Variants in CAPN11 observed in about 807,000 individuals in gnomAD.
CAPN11 encodes calpain 11.
CAPN11 carries 108 observed loss-of-function variants against 105.3 expected under a neutral mutation model. The ratio of observed to expected loss-of-function variants is 1.03; its 90% CI spans 0.88 to 1.20. The LOEUF is 1.20. Ranked by LOEUF, CAPN11 falls within the 50% of genes most tolerant of loss-of-function variation. The pLI, the probability that CAPN11 is intolerant of heterozygous loss-of-function variation, is 0.00. For missense variants in CAPN11, 883 were observed against 924.8 expected, an observed-to-expected ratio of 0.95 and a Z score of 0.59; for synonymous variants, 329 against 344.5, an observed-to-expected ratio of 0.96 and a Z score of 0.50.
intron 1 of CAPN11, among the ~76,000 whole-genome samples, chr6:44,161,492 G>A (rs1050555547): frequency 5.3e-5 from 8 of 152,206 alleles, no homozygotes; most frequent in South Asian, 2.1e-4. Flanking sequence ...GAGCCACAGT[G>A]CCCAACTTAA....
At chr6:44,172,280 A>AG in intron 4 of CAPN11, 22 bp from the exon 5 acceptor site, 1 of 1,530,916 alleles carries the variant, frequency 6.5e-7, no homozygotes, top group East Asian at 2.5e-5. Context: ...CAGGGGTGGC[A>AG]AAGCCCTGCC....
intron 1 of CAPN11, 29 bp downstream of exon 1, chr6:44,158,893 C>A: frequency 5.8e-6 from 9 of 1,543,344 alleles, no homozygotes; most frequent in Non-Finnish European, 7.0e-6. Flanking sequence ...TTGCCCCACT[C>A]CTGTACCTCC....
At chr6:44,162,998 C>T (rs1324914286) in intron 1 of CAPN11, among the ~76,000 whole-genome samples, 1 of 152,150 alleles carries the variant, frequency 6.6e-6, no homozygotes, top group Non-Finnish European at 1.5e-5. Context: ...TGACACAGAG[C>T]ATGGGCCATG....
chr6:44,170,793 CG>C, intron 4 of CAPN11, among the ~76,000 whole-genome samples: 1 of 152,264 alleles, frequency 6.6e-6, no homozygotes, highest in South Asian at 2.1e-4. Context: ...AGGAGGGCAA[CG>C]GGGTCTACTC....
At chr6:44,171,297 A>G (rs1032832944) in intron 4 of CAPN11, among the ~76,000 whole-genome samples, 9 of 152,184 alleles carry the variant, frequency 5.9e-5, no homozygotes, top group Non-Finnish European at 1.2e-4. Flanking sequence ...CTCATCTCCC[A>G]TAGGATTCCC....
chr6:44,162,796 G>A (rs144410419), intron 1 of CAPN11, among the ~76,000 whole-genome samples: 1 of 152,236 alleles, frequency 6.6e-6, no homozygotes, highest in Non-Finnish European at 1.5e-5. Flanking sequence ...CACGCTCCAT[G>A]TTGGGGGTGC....
intron 15 of CAPN11, 25 bp downstream of exon 15, chr6:44,180,524 G>A (rs1772959630): frequency 1.4e-5 from 23 of 1,613,866 alleles, no homozygotes; most frequent in Non-Finnish European, 1.9e-5. Flanking sequence ...TAGGGCTGGG[G>A]GTTGGAAGGA....
In CAPN11 at chr6:44,181,699, ACACT is replaced by A. The variant is rs1452224873; in HGVS notation, c.1938+383_1938+386del. Among the ~76,000 whole-genome samples the A allele has an allele frequency of 6.7e-5, 2 of 30,014 alleles. 1 individual carries two copies. Among genetic ancestry groups the A allele is most frequent in the Admixed American group, 6.0e-4 (2 of 3,350 alleles). The allele number at this position is 30,014 out of a possible 152,430, so 19.7% of individuals were successfully genotyped here. On this transcript the variant is annotated intron_variant, in intron 19 of 22. Coordinates refer to ENST00000398776, the MANE Select transcript of CAPN11 (RefSeq NM_007058.4). ...ACTCACATACAGACACAACCACACC[ACACT>A]CACACACACACACACTCACAGACAC...
intron 6 of CAPN11, 42 bp downstream of exon 6, chr6:44,173,115 G>C (rs1462095658): frequency 5.9e-5 from 95 of 1,607,548 alleles, no homozygotes; most frequent in Non-Finnish European, 7.7e-5. Flanking sequence ...CCTTGCCTCT[G>C]TCTGGACAGC....
In CAPN11 at chr6:44,179,941, G is replaced by A; in HGVS notation, c.1429-11G>A. 2 of 1,600,610 alleles carry A rather than the reference G, an allele frequency of 1.2e-6. No individual in the cohort carries two copies. The highest frequency in any genetic ancestry group is 1.1e-5 in the South Asian group (1 of 90,808). ...ATGCCAGTCCTGTACCCACTTCCAGGATGCATATAGTTTCAGAACATTCAG... is the reference window on the plus strand; with the variant it reads ...ATGCCAGTCCTGTACCCACTTCCAGAATGCATATAGTTTCAGAACATTCAG... On this transcript the variant is annotated splice_polypyrimidine_tract_variant and intron_variant, in intron 13 of 22. Transcript: ENST00000398776.
At chr6:44,172,873 G>T in intron 5 of CAPN11, 67 bp from the exon 6 acceptor site, 1 of 1,557,896 alleles carries the variant, frequency 6.4e-7, no homozygotes, top group South Asian at 1.2e-5. Context: ...GTGTCATCAG[G>T]TCTGGCCACT....
intron 2 of CAPN11, among the ~76,000 whole-genome samples, chr6:44,167,870 C>T (rs1239348877): frequency 6.6e-6 from 1 of 150,556 alleles, no homozygotes; most frequent in South Asian, 2.1e-4. Context: ...GAGCCATGAT[C>T]AAGCCACTGT....
At chr6:44,158,915 G>C (rs974196373) in intron 1 of CAPN11, 51 bp downstream of exon 1, 28 of 1,510,600 alleles carry the variant, frequency 1.9e-5, no homozygotes, top group Non-Finnish European at 2.4e-5. Flanking sequence ...GCAGGCTAGA[G>C]CCTCCCCCCA....
Position 44,183,188 on chromosome 6 carries a change from A to C in CAPN11, c.2087A>C (p.Asp696Ala). Residue 696 changes from aspartate (D) to alanine (A), a missense_variant, in exon 21 of 23, where the codon GAC (aspartate) becomes GCC (alanine). Coordinates refer to ENST00000398776, the MANE Select transcript of CAPN11 (RefSeq NM_007058.4). Reference sequence around the variant, plus strand: ...TATGCAGATGATGACCTGATCATAGACTTTGACAGCTTCATCAGCTGTTTC... The same window carrying C: ...TATGCAGATGATGACCTGATCATAGCCTTTGACAGCTTCATCAGCTGTTTC... ...ARYADDDLII[D>A]FDSFISCFLR... The C allele has an allele frequency of 1.1e-5, 17 of 1,613,450 alleles. No homozygotes were observed. Among genetic ancestry groups the C allele is most frequent in the Non-Finnish European group, 1.3e-5 (15 of 1,179,508 alleles).
At chr6:44,182,868 C>T in intron 19 of CAPN11, 73 bp from the exon 20 acceptor site, 1 of 1,163,862 alleles carries the variant, frequency 8.6e-7, no homozygotes, top group Non-Finnish European at 1.3e-6. Flanking sequence ...GCCACCGCGC[C>T]CGGCCTCAGT....
rs114969347 is a variant in CAPN11, at chr6:44,172,621, A to G, written c.528+201A>G. Reference sequence around the variant, plus strand: ...TCCCAAAAGAAAATAGTTGTTAGCAATTTGTGGCTCTTTCTCCCTTCTCCT... The same window carrying G: ...TCCCAAAAGAAAATAGTTGTTAGCAGTTTGTGGCTCTTTCTCCCTTCTCCT... On this transcript the variant is annotated intron_variant, in intron 5 of 22. Coordinates refer to ENST00000398776, the MANE Select transcript of CAPN11 (RefSeq NM_007058.4). Among the ~76,000 whole-genome samples the G allele has an allele frequency of 4.7e-3, 709 of 152,284 alleles. 8 individuals carry two copies. The highest frequency in any genetic ancestry group is 0.016 in the African/African-American group (667 of 41,552).
chr6:44,181,196 C>A, intron 18 of CAPN11, 56 bp from the exon 19 acceptor site: 2 of 1,532,192 alleles, frequency 1.3e-6, no homozygotes, highest in Non-Finnish European at 1.8e-6. Flanking sequence ...CGCTGCTTCC[C>A]TATCCCCTGG....
rs1048766645 is a variant in CAPN11, at chr6:44,176,946, CGA to C, written c.1187_1188del (p.Glu396GlyfsTer26). On this transcript the variant is annotated frameshift_variant, in exon 11 of 23. Transcript: ENST00000398776. LOFTEE classifies it high-confidence loss of function. ...YKSYWHTTFY[E>X]GSWRRGSSAG... ...AGAGCTACTGGCACACCACCTTCTA[CGA>C]GGGCAGCTGGCGCAGAGGCAGCTCC... is the stretch of plus-strand genomic sequence containing the variant. 6 of 1,613,906 alleles carry C rather than the reference CGA, an allele frequency of 3.7e-6. No homozygotes were observed. The highest frequency in any genetic ancestry group is 4.2e-6 in the Non-Finnish European group (5 of 1,179,888).
chr6:44,182,608 T>C (rs1360679064), intron 19 of CAPN11, among the ~76,000 whole-genome samples: 3 of 152,182 alleles, frequency 2.0e-5, no homozygotes, highest in Non-Finnish European at 4.4e-5. Context: ...TTTTCTTTTT[T>C]TTGAGACGGA....
Sources: allele counts gnomAD v4.1 joint callset (sites outside exome capture counted in the v4.1 genomes callset), GRCh38; gene constraint gnomAD v4.1.1; transcripts MANE v1.5; gene names NCBI Gene and HGNC (gene_info 2026-07-23, HGNC 2026-07-21).